The following ALPK2 variants were observed in gnomAD, a reference collection of about 807,000 sequenced individuals.
The protein encoded by ALPK2 is alpha-protein kinase 2.
Under a neutral mutation model 163.1 loss-of-function variants are expected in ALPK2, and 127 were observed. The observed-to-expected ratio is 0.78, with a 90% confidence interval of 0.67 to 0.90. The LOEUF (loss-of-function observed/expected upper bound fraction) is 0.90. ALPK2 is among the 40% of genes least tolerant of loss of function. The pLI is 0.00. For synonymous variants in ALPK2, 953 were observed against 959.1 expected (o/e 0.99, Z 0.12); for missense variants, 2,360 against 2,589.6 (o/e 0.91, Z 1.92).
At chr18:58,511,762 A>C (rs2051491526) in intron 10 of ALPK2, 1 of 152,162 alleles carries the variant, frequency 6.6e-6, no homozygotes, top group South Asian at 2.1e-4. Context: ...ACGGGCACAC[A>C]GGCATCCTCC....
chr18:58,625,406 A>C (rs2144245992), intron 1 of ALPK2, among the ~76,000 whole-genome samples: 1 of 152,324 alleles, frequency 6.6e-6, no homozygotes, highest in East Asian at 1.9e-4. Flanking sequence ...AAGCACAAAT[A>C]GGTTTTCTTC....
chr18:58,559,071 T>A (rs2051809940), intron 4 of ALPK2, among the ~76,000 whole-genome samples: 1 of 152,264 alleles, frequency 6.6e-6, no homozygotes, highest in South Asian at 2.1e-4. Flanking sequence ...ATTAAATTTC[T>A]ATTGGACAGC....
Position 58,603,548 on chromosome 18 carries a change from C to A in ALPK2, c.227+3774G>T, listed in dbSNP as rs541239155. Among the ~76,000 whole-genome samples, 8 of 152,356 alleles carry A rather than the reference C, an allele frequency of 5.3e-5. No homozygotes were observed. The South Asian group carries it at 1.7e-3, about 32-fold the overall frequency. ...GTGCTTCCTCCGCCCCCTTCCCCTT[C>A]CTTCCACCTCCCTCCTGCTGGCTCT... On this transcript the variant is annotated intron_variant, in intron 3 of 12. Coordinates refer to ENST00000361673, the MANE Select transcript of ALPK2 (RefSeq NM_052947.4).
intron 1 of ALPK2, among the ~76,000 whole-genome samples, chr18:58,612,366 G>T (rs2052137365): frequency 6.6e-6 from 1 of 152,230 alleles, no homozygotes; most frequent in South Asian, 2.1e-4. Flanking sequence ...CCAGGGAGGA[G>T]ATATTTTGAA....
intron 9 of ALPK2, among the ~76,000 whole-genome samples, 166 bp downstream of exon 9, chr18:58,516,742 C>T (rs537734564): frequency 5.9e-5 from 9 of 152,160 alleles, no homozygotes; most frequent in African/African-American, 1.4e-4. Flanking sequence ...AAATTACTCC[C>T]GAGAATTGAG....
intron 10 of ALPK2, chr18:58,512,052 C>A (rs2051492733): frequency 6.6e-6 from 1 of 152,258 alleles, no homozygotes; most frequent in Non-Finnish European, 1.5e-5. Context: ...GACAGTGGAC[C>A]TTTCCCGCAG....
At chr18:58,504,296 T>A in intron 10 of ALPK2, 148 bp from the exon 11 acceptor site, 2 of 645,958 alleles carry the variant, frequency 3.1e-6, no homozygotes. Context: ...TCCAATGACT[T>A]TTTAGTGGGT....
rs769026686 is a variant in ALPK2, at chr18:58,580,405, C to A, written c.371G>T (p.Gly124Val). The A allele has an allele frequency of 1.2e-6, 2 of 1,614,058 alleles. No homozygotes were observed. The highest frequency in any genetic ancestry group is 2.7e-5 in the African/African-American group (2 of 74,918). Reference protein sequence around the residue: ...SPNLEDDRDRGWKHETGTHEE... With the variant: ...SPNLEDDRDRVWKHETGTHEE... ...ATGTGTCCCTGTTTCATGTTTCCAA[C>A]CCCTGTCCCTGTCATCTTCCAGGTT... Residue 124 changes from glycine to valine, a missense_variant, in exon 4 of 13, where the codon GGT becomes GTT. Coordinates refer to ENST00000361673, the MANE Select transcript of ALPK2 (RefSeq NM_052947.4).
chr18:58,510,261 A>T (rs2051483368), intron 10 of ALPK2, among the ~76,000 whole-genome samples: 1 of 152,220 alleles, frequency 6.6e-6, no homozygotes, highest in South Asian at 2.1e-4. Context: ...TTTTGGTACC[A>T]GTACCATGCT....
chr18:58,537,900 C>G lies in ALPK2; in HGVS notation c.2287G>C (p.Asp763His), dbSNP rs2051663011. Residue 763 changes from aspartate (D) to histidine (H), a missense_variant, in exon 5 of 13, where the codon GAT becomes CAT. By Grantham distance (81) the Asp-to-His change is moderately conservative. Transcript: ENST00000361673. ...GGCTCCCTGAAGTCAGCACGAGCAT[C>G]CTTGGGGAGATGCCTTGAGAACACA... Reference protein sequence around the residue: ...PGVFSRHLPKDARADFREPVA... With the variant: ...PGVFSRHLPKHARADFREPVA... 1 of 1,614,166 alleles carries G rather than the reference C, an allele frequency of 6.2e-7. No individual in the cohort carries two copies. The highest frequency in any genetic ancestry group is 8.5e-7 in the Non-Finnish European group (1 of 1,180,018).
In ALPK2 at chr18:58,535,747, T is replaced by C; in HGVS notation, c.4440A>G (p.Glu1480=). ...SQEGSMKQEA[E]QIQPEEAKTA... ...TTTTTGCCTCCTCAGGTTGAATTTG[T>C]TCAGCCTCCTGCTTCATACTGCCTT... Residue 1480 remains glutamate, a synonymous_variant, in exon 5 of 13, where the codon GAA becomes GAG. Transcript: ENST00000361673. The C allele has an allele frequency of 6.2e-7, 1 of 1,614,230 alleles. No homozygotes were observed. The highest frequency in any genetic ancestry group is 8.5e-7 in the Non-Finnish European group (1 of 1,180,028).
intron 8 of ALPK2, among the ~76,000 whole-genome samples, chr18:58,522,787 C>T (rs1430773171): frequency 2.0e-5 from 3 of 152,112 alleles, no homozygotes; most frequent in Non-Finnish European, 4.4e-5. Flanking sequence ...ACGTGTTCCC[C>T]AAAACTCCAC....
At chr18:58,521,344 C>A (rs1019673519) in intron 8 of ALPK2, among the ~76,000 whole-genome samples, 2 of 152,190 alleles carry the variant, frequency 1.3e-5, no homozygotes, top group African/African-American at 2.4e-5. Context: ...GATGTGAATG[C>A]CAATCAATGC....
At chr18:58,603,529 C>G (rs2052082457) in intron 3 of ALPK2, among the ~76,000 whole-genome samples, 1 of 152,204 alleles carries the variant, frequency 6.6e-6, no homozygotes, top group Non-Finnish European at 1.5e-5. Context: ...CCTGGTGCTT[C>G]CTCCGCCCCC....
chr18:58,491,036 A>C (rs2051372184), intron 12 of ALPK2, among the ~76,000 whole-genome samples: 1 of 152,248 alleles, frequency 6.6e-6, no homozygotes, highest in Non-Finnish European at 1.5e-5. Context: ...GCAGCCTGAG[A>C]TTCGCCCACT....
At chr18:58,523,692 CCTT>C (rs2051567974) in intron 8 of ALPK2, 111 bp downstream of exon 8, 4 of 1,333,586 alleles carry the variant, frequency 3.0e-6, no homozygotes, top group Admixed American at 1.8e-5. Context: ...CCATAGCTCT[CCTT>C]CTCGGTTGGA....
At chr18:58,522,903 TTC>T (rs1302130318) in intron 8 of ALPK2, among the ~76,000 whole-genome samples, 2 of 151,956 alleles carry the variant, frequency 1.3e-5, no homozygotes, top group Non-Finnish European at 2.9e-5. Context: ...TGTCATTTCT[TTC>T]TCTTTTTTTT....
intron 4 of ALPK2, among the ~76,000 whole-genome samples, chr18:58,555,730 G>T (rs2051787062): frequency 6.6e-6 from 1 of 152,192 alleles, no homozygotes; most frequent in Admixed American, 6.5e-5. Context: ...TGGAGATGCT[G>T]GTGGCCCAAC....
chr18:58,486,045 G>C (rs1288720511), intron 12 of ALPK2, among the ~76,000 whole-genome samples: 1 of 152,192 alleles, frequency 6.6e-6, no homozygotes, highest in Non-Finnish European at 1.5e-5. Flanking sequence ...TTAATGCCAG[G>C]TAAAAAGAGA....
Sources: allele counts gnomAD v4.1 joint callset (sites outside exome capture counted in the v4.1 genomes callset), GRCh38; gene constraint gnomAD v4.1.1; transcripts MANE v1.5; gene names NCBI Gene and HGNC (gene_info 2026-07-23, HGNC 2026-07-21).